PLEKHH2: variants seen among roughly 807,000 people sequenced by gnomAD.
PLEKHH2 encodes the protein pleckstrin homology domain-containing family H member 2.
Under a neutral mutation model 187.9 loss-of-function variants are expected in PLEKHH2, and 129 were observed. That is an observed-to-expected ratio of 0.69 (90% confidence interval 0.59 to 0.79). The LOEUF (loss-of-function observed/expected upper bound fraction) is 0.79, where lower values mean the gene tolerates loss of function less well. Among genes scored for constraint, PLEKHH2 ranks in the 30% least tolerant of loss-of-function variants. PLEKHH2 has a pLI of 0.00. For missense variants in PLEKHH2, 2,076 were observed against 1,751.2 expected, an observed-to-expected ratio of 1.19 and a Z score of -3.31; for synonymous variants, 686 against 605.6, an observed-to-expected ratio of 1.13 and a Z score of -1.95.
chr2:43,678,150 T>G, intron 2 of PLEKHH2, among the ~76,000 whole-genome samples: 1 of 137,996 alleles, frequency 7.2e-6, no homozygotes, highest in Non-Finnish European at 1.5e-5. Flanking sequence ...TCTCAGAAGA[T>G]GGGTGGCCGG....
intron 2 of PLEKHH2, among the ~76,000 whole-genome samples, chr2:43,650,166 T>TTTTC (rs752924347): frequency 3.0e-5 from 4 of 133,004 alleles, no homozygotes; most frequent in Non-Finnish European, 6.4e-5. Context: ...TTTTTTTTTT[T>TTTTC]CTGAGATGGA....
At chr2:43,649,323 T>A (rs779528529) in intron 2 of PLEKHH2, among the ~76,000 whole-genome samples, 2 of 152,196 alleles carry the variant, frequency 1.3e-5, no homozygotes, top group Non-Finnish European at 2.9e-5. Flanking sequence ...TGAAGTGAAA[T>A]GTTATTTCCT....
At position 43,758,895 on chromosome 2, in the gene PLEKHH2, T is replaced by C; in HGVS notation, c.3942-5T>C. The C allele has an allele frequency of 6.4e-7, 1 of 1,574,348 alleles. No individual in the cohort carries two copies. The highest frequency in any genetic ancestry group is 1.9e-5 in the Admixed American group (1 of 53,192). On this transcript the variant is annotated splice_polypyrimidine_tract_variant and splice_region_variant and intron_variant, in intron 26 of 29. Coordinates refer to ENST00000282406, the MANE Select transcript of PLEKHH2 (RefSeq NM_172069.4). ...TTTTGTTTTTGTTCTTTTCTTTTTT[T>C]TTAGGCAGCTTTGCCAGCGACTTTC...
At chr2:43,658,192 C>G (rs1304218486) in intron 2 of PLEKHH2, among the ~76,000 whole-genome samples, 2 of 152,152 alleles carry the variant, frequency 1.3e-5, no homozygotes, top group African/African-American at 2.4e-5. Flanking sequence ...TGTGCTATTC[C>G]TATTTACTCA....
chr2:43,757,672 C>A (rs1253173335), intron 26 of PLEKHH2, among the ~76,000 whole-genome samples: 2 of 152,118 alleles, frequency 1.3e-5, no homozygotes. Flanking sequence ...CCTGTCTCAG[C>A]CTCCCAAAGT....
chr2:43,676,948 G>A (rs544498294), intron 2 of PLEKHH2, among the ~76,000 whole-genome samples: 7 of 152,230 alleles, frequency 4.6e-5, no homozygotes, highest in African/African-American at 1.4e-4. Context: ...GACATTTGAA[G>A]CCTTTCTTTC....
intron 15 of PLEKHH2, among the ~76,000 whole-genome samples, chr2:43,713,693 CTT>C (rs1228834015): frequency 2.1e-5 from 3 of 145,698 alleles, no homozygotes; most frequent in East Asian, 3.9e-4. Context: ...TAAGTATTGA[CTT>C]AATATTATTT....
At chr2:43,647,065 T>A (rs899938447) in intron 2 of PLEKHH2, among the ~76,000 whole-genome samples, 1 of 152,142 alleles carries the variant, frequency 6.6e-6, no homozygotes, top group Non-Finnish European at 1.5e-5. Context: ...CATCCATGTT[T>A]TAATGAAAAT....
chr2:43,749,592 A>G (rs528769622), intron 24 of PLEKHH2, among the ~76,000 whole-genome samples: 8 of 152,362 alleles, frequency 5.3e-5, no homozygotes, highest in Non-Finnish European at 1.0e-4. Context: ...AAACCTCATG[A>G]CAATGTCTTT....
chr2:43,690,357 TG>T (rs1406866831), intron 3 of PLEKHH2, among the ~76,000 whole-genome samples: 1 of 152,146 alleles, frequency 6.6e-6, no homozygotes, highest in Admixed American at 6.5e-5. Flanking sequence ...TTTTTTTTTT[TG>T]TGCTTTTATT....
At chr2:43,684,408 TGAG>T (rs1419462845) in intron 3 of PLEKHH2, among the ~76,000 whole-genome samples, 2 of 152,110 alleles carry the variant, frequency 1.3e-5, no homozygotes, top group Admixed American at 1.3e-4. Context: ...AGAAAAAAAT[TGAG>T]GATGGTTTTG....
chr2:43,675,326 C>A (rs1437260924), intron 2 of PLEKHH2: 9 of 1,321,218 alleles, frequency 6.8e-6, no homozygotes, highest in Non-Finnish European at 9.2e-6. Flanking sequence ...TTTGGACTAG[C>A]CACATTTCAA....
At chr2:43,765,375 T>C in intron 29 of PLEKHH2, 38 bp from the exon 30 acceptor site, 2 of 1,597,222 alleles carry the variant, frequency 1.3e-6, no homozygotes, top group Admixed American at 3.4e-5. Context: ...TGATGAGAAC[T>C]TCTAAGGAGC....
chr2:43,681,146 ACT>A, intron 3 of PLEKHH2: 2 of 740,594 alleles, frequency 2.7e-6, no homozygotes, highest in Non-Finnish European at 4.6e-6. Context: ...CTCCTGCAAC[ACT>A]CTAATGCCAC....
intron 2 of PLEKHH2, among the ~76,000 whole-genome samples, chr2:43,649,305 T>C (rs930966283): frequency 6.6e-6 from 1 of 152,238 alleles, no homozygotes; most frequent in South Asian, 2.1e-4. Context: ...GAAAGTTTCT[T>C]TGTCAGTTGA....
intron 2 of PLEKHH2, chr2:43,676,199 G>C: frequency 6.2e-7 from 1 of 1,614,028 alleles, no homozygotes. Flanking sequence ...AGGTGATGGT[G>C]CTCGTGGTCT....
At position 43,700,473 on chromosome 2, in the gene PLEKHH2, G is replaced by A. The variant is rs137996277; in HGVS notation, c.1515G>A (p.Thr505=). The A allele has an allele frequency of 1.9e-5, 31 of 1,613,932 alleles. No individual in the cohort carries two copies. In the African/African-American group the frequency reaches 2.5e-4, roughly 13 times the overall value. Residue 505 remains threonine, a synonymous_variant, in exon 8 of 30, where the codon ACG becomes ACA. Transcript: ENST00000282406. ...DSTEVLENMD[T]SCDDGLFSYD... ...CAGAAGTTTTAGAGAATATGGACAC[G>A]AGTTGTGATGATGGATTATTTTCCT...
chr2:43,678,233 G>A (rs1304373172), intron 2 of PLEKHH2, among the ~76,000 whole-genome samples: 2 of 151,278 alleles, frequency 1.3e-5, no homozygotes, highest in African/African-American at 4.9e-5. Flanking sequence ...AGACTGGGCA[G>A]CCAGGCAGAG....
In PLEKHH2 at chr2:43,697,184, GA is replaced by G. The variant is rs1466659209; in HGVS notation, c.518del (p.Lys173SerfsTer8). Reference protein sequence around the residue: ...QSKLQEVQGKKSSTVSTLKLS... With the variant: ...QSKLQEVQGKXSSTVSTLKLS... The stretch of plus-strand genomic sequence containing the variant: ...ACGATGTTGTAGAAGTTCAAGGAAA[GA>G]AGTCATCCACTGTCTCTACACTAAA... On this transcript the variant is annotated frameshift_variant, in exon 7 of 30. Transcript: ENST00000282406. LOFTEE classifies it high-confidence loss of function. 7.0e-6 allele frequency: 11 copies of G among 1,572,826 alleles called. No individual in the cohort carries two copies. The highest frequency in any genetic ancestry group is 9.4e-6 in the Non-Finnish European group (11 of 1,164,050).
Sources: gnomAD v4.1 joint callset for allele counts (sites outside exome capture counted in the v4.1 genomes callset) on GRCh38, gnomAD v4.1.1 for gene constraint, MANE v1.5 for transcripts, NCBI Gene and HGNC (gene_info 2026-07-23, HGNC 2026-07-21) for gene names.